Variants in ADAMTSL1 observed in about 807,000 individuals in gnomAD.
ADAMTSL1 encodes the protein ADAMTS like 1, also known as ADAMTS-like protein 1.
In ADAMTSL1, 126 loss-of-function variants were observed where a neutral mutation model predicts 201.8. That is an observed-to-expected ratio of 0.62 (90% CI 0.54 to 0.72). The LOEUF (loss-of-function observed/expected upper bound fraction) is 0.72, where lower values mean the gene tolerates loss of function less well. Ranked by LOEUF, ADAMTSL1 falls within the 30% of genes least tolerant of loss-of-function variation. The pLI, the probability that ADAMTSL1 is intolerant of heterozygous loss-of-function variation, is 0.00. For missense variants in ADAMTSL1, 2,679 were observed against 2,277.8 expected, an observed-to-expected ratio of 1.18 and a Z score of -3.59; for synonymous variants, 1,121 against 903.4, an observed-to-expected ratio of 1.24 and a Z score of -4.32.
chr9:18,655,422 TA>T (rs1257879418), intron 7 of ADAMTSL1, among the ~76,000 whole-genome samples: 1 of 152,192 alleles, frequency 6.6e-6, no homozygotes, highest in East Asian at 1.9e-4. Flanking sequence ...TACTCTTTTT[TA>T]TTAACATAAG....
chr9:18,723,272 A>T (rs1250601157), intron 15 of ADAMTSL1: 21 of 594,238 alleles, frequency 3.5e-5, no homozygotes, highest in Non-Finnish European at 5.4e-5. Context: ...TGTGCTAATC[A>T]TTCCTGTAAT....
chr9:18,299,675 C>T (rs1286584722), intron 2 of ADAMTSL1, among the ~76,000 whole-genome samples: 1 of 152,122 alleles, frequency 6.6e-6, no homozygotes, highest in African/African-American at 2.4e-5. Flanking sequence ...GACTGCAGAA[C>T]CTGGGTGATG....
intron 2 of ADAMTSL1, among the ~76,000 whole-genome samples, chr9:18,208,831 G>C (rs1051990020): frequency 6.6e-6 from 1 of 152,180 alleles, no homozygotes; most frequent in Admixed American, 6.6e-5. Context: ...GACAGACCTT[G>C]ATTAATGTTT....
intron 1 of ADAMTSL1, among the ~76,000 whole-genome samples, chr9:18,085,914 G>A (rs976636416): frequency 7.2e-5 from 11 of 151,932 alleles, no homozygotes. Context: ...AGATGATAGT[G>A]GCTCAGGCAA....
chr9:18,211,300 A>T (rs1267350106), intron 2 of ADAMTSL1, among the ~76,000 whole-genome samples: 1 of 152,156 alleles, frequency 6.6e-6, no homozygotes, highest in Non-Finnish European at 1.5e-5. Flanking sequence ...CCACCCAAAC[A>T]GTAAGAAATA....
At chr9:18,569,096 G>A (rs953758436) in intron 3 of ADAMTSL1, among the ~76,000 whole-genome samples, 2 of 152,058 alleles carry the variant, frequency 1.3e-5, no homozygotes, top group African/African-American at 4.8e-5. Context: ...CATTTCACCC[G>A]GTGAGTAAAC....
chr9:18,103,290 G>C (rs184845387), intron 1 of ADAMTSL1, among the ~76,000 whole-genome samples: 249 of 152,088 alleles, frequency 1.6e-3, no homozygotes, highest in South Asian at 3.5e-3. Context: ...ATGAGTTTAG[G>C]GACAATTTGT....
chr9:18,649,333 A>G (rs946140843), intron 7 of ADAMTSL1, among the ~76,000 whole-genome samples: 4 of 151,834 alleles, frequency 2.6e-5, no homozygotes, highest in African/African-American at 9.7e-5. Flanking sequence ...TTTGGTTTGA[A>G]TTTCCTCCTG....
At chr9:18,123,185 G>C (rs1423522184) in intron 1 of ADAMTSL1, among the ~76,000 whole-genome samples, 1 of 152,122 alleles carries the variant, frequency 6.6e-6, no homozygotes. Flanking sequence ...TTAACTCCTA[G>C]TAACTAGATA....
chr9:18,905,325 C>G lies in ADAMTSL1; in HGVS notation c.4852-457C>G, dbSNP rs372728231. ...TTCTGTTCAGTCATCCTAGGTTTAA[C>G]CTGCAGAAAATGAAGCCAGGGTAAG... is the stretch of plus-strand genomic sequence containing the variant. On this transcript the variant is annotated intron_variant, in intron 26 of 28. Coordinates refer to ENST00000380548, the MANE Select transcript of ADAMTSL1 (RefSeq NM_001040272.6). Among the ~76,000 whole-genome samples, 226 of 152,278 alleles carry G rather than the reference C, an allele frequency of 1.5e-3. 5 individuals are homozygous for G. In the South Asian group the frequency reaches 0.047, roughly 31 times the overall value.
chr9:18,798,526 T>C (rs1441244704), intron 20 of ADAMTSL1, among the ~76,000 whole-genome samples: 1 of 152,248 alleles, frequency 6.6e-6, no homozygotes, highest in African/African-American at 2.4e-5. Context: ...AGCCAACTTA[T>C]GTTTACAGTG....
intron 2 of ADAMTSL1, among the ~76,000 whole-genome samples, chr9:18,421,864 C>A (rs1818967587): frequency 6.6e-6 from 1 of 152,082 alleles, no homozygotes; most frequent in Non-Finnish European, 1.5e-5. Flanking sequence ...TGGGATATTA[C>A]TTTTATATGG....
chr9:17,942,517 G>C (rs1219524625), intron 1 of ADAMTSL1, among the ~76,000 whole-genome samples: 1 of 152,148 alleles, frequency 6.6e-6, no homozygotes, highest in African/African-American at 2.4e-5. Flanking sequence ...CTCTGGAACT[G>C]GTACTTTGTT....
chr9:18,458,504 C>T (rs10810971), intron 2 of ADAMTSL1, among the ~76,000 whole-genome samples: 80,187 of 152,002 alleles, frequency 0.53, 21,366 homozygotes, highest in Non-Finnish European at 0.57. Flanking sequence ...ACAGTTTACC[C>T]AGTTTGCCCT....
chr9:18,389,431 T>C (rs926703719), intron 2 of ADAMTSL1, among the ~76,000 whole-genome samples: 1 of 152,216 alleles, frequency 6.6e-6, no homozygotes, highest in Non-Finnish European at 1.5e-5. Flanking sequence ...TCCTGAGTTA[T>C]GTAAAGAAGC....
chr9:18,348,302 C>T (rs1586939887), intron 2 of ADAMTSL1, among the ~76,000 whole-genome samples: 1 of 152,096 alleles, frequency 6.6e-6, no homozygotes, highest in Admixed American at 6.6e-5. Flanking sequence ...GGGTTAGGGC[C>T]AGCACACAGA....
intron 1 of ADAMTSL1, among the ~76,000 whole-genome samples, chr9:18,003,135 C>A (rs1474730119): frequency 6.6e-6 from 1 of 151,940 alleles, no homozygotes; most frequent in Non-Finnish European, 1.5e-5. Flanking sequence ...GGTAGAGAGC[C>A]CTAAGCACTG....
chr9:18,359,818 T>TCACCCCCCCCCCCC (rs1836426814), intron 2 of ADAMTSL1, among the ~76,000 whole-genome samples: 1 of 42,628 alleles, frequency 2.3e-5, no homozygotes, highest in Non-Finnish European at 4.4e-5. Context: ...ATGCCCCACC[T>TCACCCCCCCCCCCC]CCCCACCCGC....
At chr9:18,127,201 G>A (rs1825765705) in intron 1 of ADAMTSL1, among the ~76,000 whole-genome samples, 1 of 152,160 alleles carries the variant, frequency 6.6e-6, no homozygotes, top group Non-Finnish European at 1.5e-5. Context: ...GACCTGAAGA[G>A]AAGCCTGTGC....
Sources: allele counts gnomAD v4.1 joint callset (sites outside exome capture counted in the v4.1 genomes callset), GRCh38; gene constraint gnomAD v4.1.1; transcripts MANE v1.5; gene names NCBI Gene and HGNC (gene_info 2026-07-23, HGNC 2026-07-21).